AGBL4: variants seen among roughly 807,000 people sequenced by gnomAD.
AGBL4 encodes AGBL carboxypeptidase 4.
Under a neutral mutation model 66.4 loss-of-function variants are expected in AGBL4, and 58 were observed. That is an observed-to-expected ratio of 0.87 (90% CI 0.71 to 1.09). The LOEUF is 1.09. Among genes scored for constraint, AGBL4 ranks in the 50% least tolerant of loss-of-function variants. AGBL4 has a pLI of 0.00. For synonymous variants in AGBL4, 234 were observed against 222.9 expected (o/e 1.05, Z -0.44); for missense variants, 579 against 631.0 (o/e 0.92, Z 0.88).
intron 4 of AGBL4, among the ~76,000 whole-genome samples, chr1:49,115,704 T>G (rs528692335): frequency 4.5e-4 from 68 of 152,286 alleles, no homozygotes; most frequent in African/African-American, 1.6e-3. Context: ...TGTTATAATA[T>G]TAAGACAGGC....
intron 3 of AGBL4, among the ~76,000 whole-genome samples, chr1:49,270,439 G>C (rs1644031423): frequency 6.6e-6 from 1 of 151,338 alleles, no homozygotes; most frequent in South Asian, 2.1e-4. Flanking sequence ...CTCTCAGGGG[G>C]ATATTTTTTT....
intron 2 of AGBL4, among the ~76,000 whole-genome samples, chr1:49,768,598 C>T (rs902748894): frequency 6.6e-6 from 1 of 152,096 alleles, no homozygotes; most frequent in African/African-American, 2.4e-5. Context: ...TGGAACAATT[C>T]CCCTTGAGAA....
chr1:49,206,661 T>A lies in AGBL4; in HGVS notation c.377+39109A>T, dbSNP rs139095645. On this transcript the variant is annotated intron_variant, in intron 4 of 13. Coordinates refer to ENST00000371839, the MANE Select transcript of AGBL4 (RefSeq NM_032785.4). The stretch of plus-strand genomic sequence containing the variant: ...GTGAGTAGGCTTTAGGAATTTGTTA[T>A]CTGCATTTGGGCCATACACTGCACC... Among the ~76,000 whole-genome samples, 233 of 152,158 alleles carry A rather than the reference T, an allele frequency of 1.5e-3. 4 individuals carry two copies. Among genetic ancestry groups the A allele is most frequent in the African/African-American group, 5.4e-3 (226 of 41,546 alleles).
At chr1:48,733,072 A>T (rs1648410834) in intron 6 of AGBL4, among the ~76,000 whole-genome samples, 1 of 152,196 alleles carries the variant, frequency 6.6e-6, no homozygotes, top group South Asian at 2.1e-4. Context: ...CAAATGGCAA[A>T]GGCATTACCA....
At chr1:49,408,864 G>A (rs367796109) in intron 3 of AGBL4, among the ~76,000 whole-genome samples, 1 of 152,142 alleles carries the variant, frequency 6.6e-6, no homozygotes, top group African/African-American at 2.4e-5. Flanking sequence ...CTTTGTGATC[G>A]TGTGAGTCAA....
chr1:49,847,445 A>G (rs767604691), intron 2 of AGBL4, among the ~76,000 whole-genome samples: 44 of 152,210 alleles, frequency 2.9e-4, no homozygotes, highest in Non-Finnish European at 4.6e-4. Flanking sequence ...CCACACAGCA[A>G]AAGAAATAAT....
At chr1:49,696,221 T>C (rs1646981067) in intron 3 of AGBL4, among the ~76,000 whole-genome samples, 1 of 152,174 alleles carries the variant, frequency 6.6e-6, no homozygotes, top group Non-Finnish European at 1.5e-5. Context: ...TGATCAGTTG[T>C]CTCAATATAA....
chr1:49,744,643 A>C (rs1650844345), intron 2 of AGBL4, among the ~76,000 whole-genome samples: 1 of 152,144 alleles, frequency 6.6e-6, no homozygotes, highest in South Asian at 2.1e-4. Context: ...AGAATGATAT[A>C]ATATGAAAAA....
intron 1 of AGBL4, among the ~76,000 whole-genome samples, chr1:50,012,890 G>GT (rs1417654028): frequency 6.6e-6 from 1 of 152,076 alleles, no homozygotes; most frequent in Non-Finnish European, 1.5e-5. Context: ...CACGTTGATC[G>GT]TAAGGATGTA....
At chr1:48,914,138 G>A (rs549866555) in intron 5 of AGBL4, among the ~76,000 whole-genome samples, 16 of 152,312 alleles carry the variant, frequency 1.1e-4, no homozygotes, top group African/African-American at 3.4e-4. Context: ...TGTGGAGAAC[G>A]AGAAGAGAAG....
chr1:48,984,661 C>A (rs1660041968), intron 5 of AGBL4, among the ~76,000 whole-genome samples: 1 of 151,580 alleles, frequency 6.6e-6, no homozygotes, highest in African/African-American at 2.4e-5. Flanking sequence ...TACCTACTAT[C>A]TTATAATGCC....
intron 4 of AGBL4, among the ~76,000 whole-genome samples, chr1:49,128,286 G>C (rs1645807536): frequency 6.6e-6 from 1 of 151,784 alleles, no homozygotes. Context: ...ATATTGGAAG[G>C]TTAAATATTA....
At chr1:49,072,780 T>C (rs1160561288) in intron 4 of AGBL4, among the ~76,000 whole-genome samples, 1 of 152,220 alleles carries the variant, frequency 6.6e-6, no homozygotes, top group Non-Finnish European at 1.5e-5. Flanking sequence ...TGAATTTGAA[T>C]GTTGGCCTGC....
chr1:49,370,327 G>A (rs1206008258), intron 3 of AGBL4, among the ~76,000 whole-genome samples: 2 of 151,844 alleles, frequency 1.3e-5, no homozygotes, highest in Admixed American at 6.6e-5. Context: ...TACAAACTCA[G>A]GCAGGAATTG....
chr1:48,901,773 G>T (rs1346027798), intron 5 of AGBL4, among the ~76,000 whole-genome samples: 1 of 152,126 alleles, frequency 6.6e-6, no homozygotes, highest in Non-Finnish European at 1.5e-5. Context: ...GTGAGAAGAA[G>T]AGATTACATA....
intron 3 of AGBL4, among the ~76,000 whole-genome samples, chr1:49,419,350 A>G (rs1176192568): frequency 6.6e-6 from 1 of 152,198 alleles, no homozygotes; most frequent in Non-Finnish European, 1.5e-5. Flanking sequence ...TCTTGACAAC[A>G]ATTCTGTGAT....
At chr1:49,859,139 A>T (rs1646503792) in intron 1 of AGBL4, among the ~76,000 whole-genome samples, 1 of 152,208 alleles carries the variant, frequency 6.6e-6, no homozygotes, top group Non-Finnish European at 1.5e-5. Flanking sequence ...TAGTTGACAT[A>T]TTAGCAATAT....
intron 2 of AGBL4, among the ~76,000 whole-genome samples, chr1:49,803,705 G>A (rs566299289): frequency 6.6e-6 from 1 of 152,240 alleles, no homozygotes; most frequent in African/African-American, 2.4e-5. Context: ...GACATAATGA[G>A]ATAATGAATC....
chr1:49,277,092 G>C (rs72897743), intron 3 of AGBL4, among the ~76,000 whole-genome samples: 2,228 of 152,130 alleles, frequency 0.015, 61 homozygotes, highest in African/African-American at 0.051. Flanking sequence ...AAAAAGTAAA[G>C]AGTCATTTAC....
Sources: allele counts gnomAD v4.1 joint callset (sites outside exome capture counted in the v4.1 genomes callset), GRCh38; gene constraint gnomAD v4.1.1; transcripts MANE v1.5; gene names NCBI Gene and HGNC (gene_info 2026-07-23, HGNC 2026-07-21).